PCDHA7: variants seen among roughly 807,000 people sequenced by gnomAD.
The protein encoded by PCDHA7 is protocadherin alpha-7.
In PCDHA7, 37 loss-of-function variants were observed where a neutral mutation model predicts 57.2. The observed-to-expected ratio is 0.65, with a 90% CI of 0.50 to 0.85. The LOEUF (loss-of-function observed/expected upper bound fraction) is 0.85. PCDHA7 is among the 40% of genes least tolerant of loss of function. The pLI is 0.00. For missense variants in PCDHA7, 1,188 were observed against 1,241.8 expected, an observed-to-expected ratio of 0.96 and a Z score of 0.65; for synonymous variants, 553 against 558.8, an observed-to-expected ratio of 0.99 and a Z score of 0.15.
At position 140,876,601 on chromosome 5, in the gene PCDHA7, C is replaced by A. The variant is rs143847585; in HGVS notation, c.2355+39863C>A. The A allele has an allele frequency of 2.5e-4, 409 of 1,614,152 alleles. No individual in the cohort carries two copies. The highest frequency in any genetic ancestry group is 3.3e-4 in the Non-Finnish European group (387 of 1,180,034). ...CATTGCCCTGATTAGCGTGTCGGAT[C>A]GTGACTCTGGAGCCAATGGACAGGT... On this transcript the variant is annotated intron_variant, in intron 1 of 3. Coordinates refer to ENST00000525929, the MANE Select transcript of PCDHA7 (RefSeq NM_018910.3).
chr5:140,852,232 T>A (rs1441900683), intron 1 of PCDHA7: 2 of 602,048 alleles, frequency 3.3e-6, no homozygotes, highest in African/African-American at 4.0e-5. Context: ...TTTTAAATTT[T>A]CCCTTAAAAC....
At chr5:140,922,735 G>A (rs1370700616) in intron 1 of PCDHA7, among the ~76,000 whole-genome samples, 2 of 152,078 alleles carry the variant, frequency 1.3e-5, no homozygotes, top group Admixed American at 1.3e-4. Flanking sequence ...ACAAGGTTGA[G>A]AAAAATAAAT....
intron 1 of PCDHA7, among the ~76,000 whole-genome samples, chr5:140,906,513 G>A (rs1398874448): frequency 1.3e-5 from 2 of 152,176 alleles, no homozygotes; most frequent in Non-Finnish European, 2.9e-5. Context: ...AAAGAAGGAG[G>A]AAATACTCAC....
intron 1 of PCDHA7, chr5:140,843,814 GA>G (rs1158286974): frequency 7.9e-7 from 1 of 1,259,766 alleles, no homozygotes; most frequent in African/African-American, 1.5e-5. Context: ...ATTTTATAGT[GA>G]AAATTTAAAC....
chr5:140,850,595 G>A (rs2150490707), intron 1 of PCDHA7: 2 of 1,598,512 alleles, frequency 1.3e-6, no homozygotes, highest in East Asian at 4.5e-5. Flanking sequence ...ACGTGTACCT[G>A]ATCATCGCCA....
intron 3 of PCDHA7, among the ~76,000 whole-genome samples, chr5:140,990,610 C>T (rs781969043): frequency 4.6e-5 from 7 of 152,080 alleles, no homozygotes; most frequent in African/African-American, 9.7e-5. Flanking sequence ...AGATGAATAC[C>T]GTAAAGGTCT....
intron 1 of PCDHA7, among the ~76,000 whole-genome samples, chr5:140,957,750 TGTTCATTATATATGTTAAGTAAAAACTAA>T (rs1477515057): frequency 6.6e-6 from 1 of 152,128 alleles, no homozygotes; most frequent in African/African-American, 2.4e-5. Context: ...CATGAAAGGA[TGTTCATTATATATGTTAAGTAAAAACTAA>T]GTTCATCATA....
intron 1 of PCDHA7, chr5:140,857,669 G>T (rs926570494): frequency 5.0e-6 from 8 of 1,596,800 alleles, no homozygotes; most frequent in East Asian, 2.2e-5. Flanking sequence ...CGATGGGGGC[G>T]TGCCGCCTCT....
intron 1 of PCDHA7, chr5:140,928,706 A>T: frequency 6.2e-7 from 1 of 1,613,858 alleles, no homozygotes; most frequent in Non-Finnish European, 8.5e-7. Flanking sequence ...CGGGCGTCTG[A>T]CTCTAGTCTC....
chr5:140,982,128 A>G (rs2153827578), intron 2 of PCDHA7, among the ~76,000 whole-genome samples: 1 of 152,384 alleles, frequency 6.6e-6, no homozygotes, highest in South Asian at 2.1e-4. Flanking sequence ...TTTTGAGAAC[A>G]AGCCCTCCTC....
chr5:140,863,039 T>A (rs530548492), intron 1 of PCDHA7: 24 of 558,728 alleles, frequency 4.3e-5, no homozygotes, highest in South Asian at 3.2e-4. Flanking sequence ...GCTGCATCTG[T>A]CAGCTGGCAG....
chr5:140,962,014 G>C (rs2095650512), intron 1 of PCDHA7, among the ~76,000 whole-genome samples: 1 of 151,888 alleles, frequency 6.6e-6, no homozygotes, highest in African/African-American at 2.4e-5. Flanking sequence ...TTCCCGAGTA[G>C]CTGGGACTAC....
chr5:140,982,561 C>G lies in PCDHA7; in HGVS notation c.2501C>G (p.Pro834Arg), dbSNP rs560422677. ...QQWPTVSSAT[P>R]EPEAGEVSPP... The stretch of plus-strand genomic sequence containing the variant: ...TGGCCAACAGTATCCAGTGCAACAC[C>G]AGGTAAAGAGCTGGGGTCTCTCCAT... The change falls in exon 3 of 4, where the codon CCA (proline) becomes CGA (arginine). Residue 834 changes from proline (P) to arginine (R), a missense_variant and splice_region_variant. By Grantham distance (103) the Pro-to-Arg change is moderately radical. Coordinates refer to ENST00000525929, the MANE Select transcript of PCDHA7 (RefSeq NM_018910.3). The G allele has an allele frequency of 6.2e-7, 1 of 1,614,060 alleles. No individual in the cohort carries two copies. Among genetic ancestry groups the G allele is most frequent in the African/African-American group, 1.3e-5 (1 of 75,052 alleles).
intron 1 of PCDHA7, among the ~76,000 whole-genome samples, chr5:140,920,853 A>C (rs375783359): frequency 1.3e-5 from 2 of 152,062 alleles, no homozygotes; most frequent in African/African-American, 4.8e-5. Flanking sequence ...AAAAAAAAAA[A>C]AAAAACAAAC....
intron 1 of PCDHA7, chr5:140,850,325 G>A (rs1554144196): frequency 2.5e-6 from 4 of 1,597,604 alleles, no homozygotes; most frequent in Non-Finnish European, 1.7e-6. Context: ...TTTCATACGA[G>A]CTGCAGCCAG....
At chr5:140,899,841 T>C (rs2067584927) in intron 1 of PCDHA7, among the ~76,000 whole-genome samples, 1 of 152,208 alleles carries the variant, frequency 6.6e-6, no homozygotes, top group Non-Finnish European at 1.5e-5. Flanking sequence ...CAGGTCTTGC[T>C]GTGTCACCCA....
chr5:140,998,107 A>G (rs138517610), intron 3 of PCDHA7, among the ~76,000 whole-genome samples: 1 of 152,328 alleles, frequency 6.6e-6, no homozygotes, highest in Non-Finnish European at 1.5e-5. Flanking sequence ...AACAGAGGAG[A>G]AAATTTACTT....
Position 140,858,148 on chromosome 5 carries a change from C to T in PCDHA7, c.2355+21410C>T, listed in dbSNP as rs189442889. The T allele has an allele frequency of 6.1e-4, 978 of 1,597,640 alleles. 22 individuals are homozygous for T. In the East Asian group the frequency reaches 0.021, roughly 34 times the overall value. On this transcript the variant is annotated intron_variant, in intron 1 of 3. Coordinates refer to ENST00000525929, the MANE Select transcript of PCDHA7 (RefSeq NM_018910.3). ...TGGATGTCAACGTGTACCTGATCAT[C>T]GCCATCTGCGCGGTGTCCAGCTTGC...
intron 1 of PCDHA7, chr5:140,883,186 C>T (rs782501193): frequency 1.4e-5 from 23 of 1,613,822 alleles, no homozygotes; most frequent in African/African-American, 2.7e-5. Context: ...GGACAAAAGG[C>T]AAACTAGATT....
Sources: gnomAD v4.1 joint callset for allele counts (sites outside exome capture counted in the v4.1 genomes callset) on GRCh38, gnomAD v4.1.1 for gene constraint, MANE v1.5 for transcripts, NCBI Gene and HGNC (gene_info 2026-07-23, HGNC 2026-07-21) for gene names.